The following SMG1 variants were observed in gnomAD, a reference collection of about 807,000 sequenced individuals.
SMG1 encodes serine/threonine-protein kinase SMG1.
In SMG1, 22 loss-of-function variants were observed where a neutral mutation model predicts 419.9. That is an observed-to-expected ratio of 0.05 (90% CI 0.04 to 0.07). SMG1 has a LOEUF of 0.07. SMG1 is among the 10% of genes least tolerant of loss of function. The probability of loss-of-function intolerance (pLI) is 1.00; values close to 1 mark genes in which losing one functional copy is unlikely to be tolerated. For missense variants in SMG1, 3,185 were observed against 4,342.0 expected (o/e 0.73, Z 7.49); for synonymous variants, 1,538 against 1,553.5 (o/e 0.99, Z 0.23).
At chr16:18,905,152 T>C (rs1409421442) in intron 1 of SMG1, among the ~76,000 whole-genome samples, 17 of 151,916 alleles carry the variant, frequency 1.1e-4, no homozygotes, top group Admixed American at 1.0e-3. Context: ...TCCCAGCTAG[T>C]TGGGAGGCTG....
At chr16:18,865,973 A>AT (rs558263330) in intron 23 of SMG1, among the ~76,000 whole-genome samples, 7 of 150,048 alleles carry the variant, frequency 4.7e-5, no homozygotes, top group Non-Finnish European at 7.4e-5. Context: ...AACATGGCAA[A>AT]TTTTTTTTTT....
chr16:18,884,223 TC>T, intron 8 of SMG1, 56 bp from the exon 9 acceptor site: 1 of 848,118 alleles, frequency 1.2e-6, no homozygotes, highest in Admixed American at 2.6e-5. Context: ...CACCAAAAAA[TC>T]CAAATTAAAA....
At chr16:18,925,323 T>TCAC (rs2038349338) in intron 1 of SMG1, 1 of 152,176 alleles carries the variant, frequency 6.6e-6, no homozygotes, top group Admixed American at 6.6e-5. Context: ...GAATTACGAT[T>TCAC]CACCAGAGTA....
At chr16:18,900,134 T>A in intron 1 of SMG1, 1 of 672,848 alleles carries the variant, frequency 1.5e-6, no homozygotes, top group African/African-American at 1.8e-5. Context: ...ATGAGTTAGG[T>A]GCCTTTAGTT....
chr16:18,842,100 A>G (rs1217574609), intron 40 of SMG1, 108 bp downstream of exon 40: 2 of 1,215,588 alleles, frequency 1.6e-6, no homozygotes, highest in East Asian at 2.6e-5. Flanking sequence ...TAATAATGAC[A>G]TACAGAAATT....
chr16:18,830,781 G>A (rs757292600), intron 51 of SMG1, among the ~76,000 whole-genome samples: 1 of 151,948 alleles, frequency 6.6e-6, no homozygotes, highest in South Asian at 2.1e-4. Flanking sequence ...CAACAAGAGC[G>A]AAACTCCATC....
At chr16:18,839,622 G>A in intron 42 of SMG1, 76 bp downstream of exon 42, 3 of 1,568,592 alleles carry the variant, frequency 1.9e-6, no homozygotes, top group Middle Eastern at 1.8e-4. Context: ...AGGGAAGGAG[G>A]ACAAACAAGA....
At chr16:18,909,244 A>C (rs1179716025) in intron 1 of SMG1, among the ~76,000 whole-genome samples, 1 of 152,164 alleles carries the variant, frequency 6.6e-6, no homozygotes, top group Non-Finnish European at 1.5e-5. Flanking sequence ...CGGGAGGCTG[A>C]GGCAGGAGAA....
intron 29 of SMG1, among the ~76,000 whole-genome samples, chr16:18,855,321 T>C (rs1428277523): frequency 6.6e-6 from 1 of 152,112 alleles, no homozygotes; most frequent in Non-Finnish European, 1.5e-5. Context: ...CCATCACTCA[T>C]CCATTAAACA....
rs797018942 is a variant in SMG1, at chr16:18,868,186, T to C, written c.3195+4A>G. 6.3e-7 allele frequency: 1 copy of C among 1,578,124 alleles called. No individual in the cohort carries two copies. Among genetic ancestry groups the C allele is most frequent in the African/African-American group, 1.3e-5 (1 of 74,710 alleles). On this transcript the variant is annotated splice_donor_region_variant and intron_variant, in intron 22 of 62. Coordinates refer to ENST00000446231, the MANE Select transcript of SMG1 (RefSeq NM_015092.5). ...TAAAATGAATTTCAAACACACCACA[T>C]TACCTGAGATAGGCTGGTTGTTTTC... is the stretch of plus-strand genomic sequence containing the variant.
intron 40 of SMG1, 78 bp from the exon 41 acceptor site, chr16:18,841,872 G>T: frequency 1.6e-6 from 2 of 1,219,546 alleles, no homozygotes; most frequent in Non-Finnish European, 2.4e-6. Flanking sequence ...TTTTCAACTA[G>T]CAGTGGCAGT....
Position 18,820,693 on chromosome 16 carries a change from T to A in SMG1, c.9742-1039A>T, listed in dbSNP as rs997984952. On this transcript the variant is annotated intron_variant, in intron 55 of 62. Transcript: ENST00000446231. The stretch of plus-strand genomic sequence containing the variant: ...AAGAGGAAGAGTTCATTCTTGTAAG[T>A]TGAAAACACATCTTTTCTCTGACCA... 2.6e-5 allele frequency among the ~76,000 whole-genome samples: 4 copies of A among 152,204 alleles called. No individual in the cohort carries two copies. The East Asian group carries it at 7.7e-4, about 29-fold the overall frequency.
intron 1 of SMG1, among the ~76,000 whole-genome samples, chr16:18,904,365 C>T (rs2037473179): frequency 6.6e-6 from 1 of 151,624 alleles, no homozygotes; most frequent in Non-Finnish European, 1.5e-5. Flanking sequence ...CCGGGCACGG[C>T]GGCTCACGCC....
At chr16:18,832,741 C>CT (rs996994000) in intron 51 of SMG1, among the ~76,000 whole-genome samples, 199 bp downstream of exon 51, 9 of 150,976 alleles carry the variant, frequency 6.0e-5, no homozygotes, top group East Asian at 1.9e-4. Context: ...CCTGCCTGCA[C>CT]TTTTTTTTTA....
At position 18,849,301 on chromosome 16, in the gene SMG1, G is replaced by A. The variant is rs567347341; in HGVS notation, c.5539C>T (p.Arg1847Cys). The A allele has an allele frequency of 1.6e-5, 26 of 1,613,612 alleles. No individual in the cohort carries two copies. Among genetic ancestry groups the A allele is most frequent in the East Asian group, 2.2e-5 (1 of 44,858 alleles). ...VRQSICNLLC[R>C]VAQDSPHLIL... ...AGATGTGGGGAATCTTGAGCCACAC[G>A]GCAGAGAAGGTTACAAATACTTTGG... The change falls in exon 36 of 63, where the codon CGT becomes TGT. Residue 1847 changes from arginine (R) to cysteine (C), a missense_variant. Around this residue, in one of 27 missense-constraint regions of SMG1, gnomAD observed 130 missense variants for 162.0 expected, o/e 0.80. Transcript: ENST00000446231.
At chr16:18,870,930 G>A (rs1411218558) in intron 16 of SMG1, 42 bp from the exon 17 acceptor site, 2 of 892,934 alleles carry the variant, frequency 2.2e-6, no homozygotes, top group Non-Finnish European at 3.5e-6. Context: ...CTGGCCAAAA[G>A]AAATTATATC....
At chr16:18,834,538 A>G in intron 49 of SMG1, 100 bp from the exon 50 acceptor site, 1 of 1,113,614 alleles carries the variant, frequency 9.0e-7, no homozygotes, top group Non-Finnish European at 1.3e-6. Flanking sequence ...GCATTTTGGG[A>G]GGCCGAGGCA....
intron 6 of SMG1, among the ~76,000 whole-genome samples, chr16:18,888,394 A>C (rs1277139632): frequency 2.0e-4 from 30 of 150,824 alleles, no homozygotes; most frequent in Non-Finnish European, 1.0e-4. Flanking sequence ...TTCCTAGTGG[A>C]GTTCCTATTT....
chr16:18,858,812 AT>A, intron 28 of SMG1: 1 of 450,494 alleles, frequency 2.2e-6, no homozygotes, highest in Non-Finnish European at 3.9e-6. Context: ...AAACTGAGCA[AT>A]TTGCCATCCT....
Sources: gnomAD v4.1 joint callset for allele counts (sites outside exome capture counted in the v4.1 genomes callset) on GRCh38, gnomAD v4.1.1 for gene constraint, gnomAD v4.1.1 regional missense constraint, MANE v1.5 for transcripts, NCBI Gene and HGNC (gene_info 2026-07-23, HGNC 2026-07-21) for gene names.